The following PCDHGA7 variants were observed in gnomAD, a reference collection of about 807,000 sequenced individuals.
PCDHGA7 encodes protocadherin gamma-A7.
In PCDHGA7, 44 loss-of-function variants were observed where a neutral mutation model predicts 58.3. That is an observed-to-expected ratio of 0.75 (90% CI 0.59 to 0.97). The LOEUF is 0.97. Among genes scored for constraint, PCDHGA7 ranks in the 50% least tolerant of loss-of-function variants. The pLI, the probability that PCDHGA7 is intolerant of heterozygous loss-of-function variation, is 0.00. For synonymous variants in PCDHGA7, 516 were observed against 504.2 expected (o/e 1.02, Z -0.31); for missense variants, 1,266 against 1,188.7 (o/e 1.06, Z -0.96).
At chr5:141,387,576 G>A in intron 1 of PCDHGA7, 2 of 487,618 alleles carry the variant, frequency 4.1e-6, no homozygotes, top group Non-Finnish European at 7.2e-6. Flanking sequence ...TATAATTATT[G>A]CACTGGTTAA....
At chr5:141,471,215 A>G (rs1562030197) in intron 1 of PCDHGA7, 1 of 149,038 alleles carries the variant, frequency 6.7e-6, no homozygotes, top group Non-Finnish European at 1.5e-5. Context: ...ATGCCTGGCA[A>G]TTTTTTTGTA....
chr5:141,412,967 A>G, intron 1 of PCDHGA7: 1 of 520,650 alleles, frequency 1.9e-6, no homozygotes, highest in Non-Finnish European at 3.3e-6. Context: ...CTACTAGGAG[A>G]GAAAACGCAG....
At chr5:141,478,675 G>T in intron 1 of PCDHGA7, 1 of 1,551,574 alleles carries the variant, frequency 6.4e-7, no homozygotes, top group Non-Finnish European at 8.7e-7. Flanking sequence ...ACTTTCAACT[G>T]GCCCTTCCTA....
rs749781059 is a variant in PCDHGA7 at position 141,477,983 on chromosome 5, C to G, written c.2425-16824C>G. On this transcript the variant is annotated intron_variant, in intron 1 of 3. Coordinates refer to ENST00000518325, the MANE Select transcript of PCDHGA7 (RefSeq NM_018920.4). This position sits in a 1 kb window ranked among gnomAD's most constrained non-coding sequence, Gnocchi z 4.9. ...TAACCAGAGCCTTTTTGCCATAGGG[C>G]TGCACACTGGTCAAATCAGTACTGC... The G allele has an allele frequency of 1.7e-5, 27 of 1,614,126 alleles. No homozygotes were observed. The highest frequency in any genetic ancestry group is 2.3e-5 in the Non-Finnish European group (27 of 1,180,024).
At chr5:141,403,875 A>T in intron 1 of PCDHGA7, 1 of 1,613,816 alleles carries the variant, frequency 6.2e-7, no homozygotes, top group Non-Finnish European at 8.5e-7. Flanking sequence ...AAAAGTCTAG[A>T]TTATGAAGAA....
At chr5:141,388,800 G>T (rs1193679536) in intron 1 of PCDHGA7, 1 of 1,613,896 alleles carries the variant, frequency 6.2e-7, no homozygotes, top group Non-Finnish European at 8.5e-7. Context: ...AAATACATTA[G>T]ATTTTGAAGA....
At chr5:141,444,380 A>G (rs1475986922) in intron 1 of PCDHGA7, among the ~76,000 whole-genome samples, 1 of 151,876 alleles carries the variant, frequency 6.6e-6, no homozygotes, top group Non-Finnish European at 1.5e-5. Context: ...CATGTTGGTC[A>G]GGCTAGTCTT....
chr5:141,447,848 G>A (rs539844218), intron 1 of PCDHGA7, among the ~76,000 whole-genome samples: 46 of 152,302 alleles, frequency 3.0e-4, no homozygotes, highest in East Asian at 2.7e-3. Context: ...TGCTTTGGGA[G>A]GCCGAGGTGG....
At chr5:141,468,140 C>T (rs910524133) in intron 1 of PCDHGA7, among the ~76,000 whole-genome samples, 3 of 151,942 alleles carry the variant, frequency 2.0e-5, no homozygotes, top group African/African-American at 7.2e-5. Flanking sequence ...GCCTGGCCAA[C>T]ATGGTGAAAC....
chr5:141,384,585 C>G lies in PCDHGA7; in HGVS notation c.1686C>G (p.Ile562Met). 1.2e-6 allele frequency: 2 copies of G among 1,614,246 alleles called. No individual in the cohort carries two copies. Among genetic ancestry groups the G allele is most frequent in the South Asian group, 1.1e-5 (1 of 91,092 alleles). Residue 562 changes from isoleucine (I) to methionine (M), a missense_variant, in exon 1 of 4, where the codon ATC becomes ATG. Transcript: ENST00000518325. ...VLDQNDNPPE[I>M]LYPALPTDGS... is the part of the protein sequence containing the mutation. Reference sequence around the variant, plus strand: ...ACCAGAATGACAACCCGCCCGAGATCCTGTACCCGGCCCTCCCCACAGATG... The same window carrying G: ...ACCAGAATGACAACCCGCCCGAGATGCTGTACCCGGCCCTCCCCACAGATG...
Position 141,489,629 on chromosome 5 carries a change from C to T in PCDHGA7, c.2425-5178C>T. Reference sequence around the variant, plus strand: ...GAGATCCTGGATCTCAATGACAACTCTCCTAGCTTTGCCACCCCTGAGCGA... The same window carrying T: ...GAGATCCTGGATCTCAATGACAACTTTCCTAGCTTTGCCACCCCTGAGCGA... On this transcript the variant is annotated intron_variant, in intron 1 of 3. Transcript: ENST00000518325. This position sits in a 1 kb window ranked among gnomAD's most constrained non-coding sequence, Gnocchi z 4.5. 6.2e-7 allele frequency: 1 copy of T among 1,614,142 alleles called. No homozygotes were observed. The highest frequency in any genetic ancestry group is 1.7e-5 in the Admixed American group (1 of 60,032).
intron 1 of PCDHGA7, among the ~76,000 whole-genome samples, chr5:141,425,769 A>C (rs1355689852): frequency 6.6e-6 from 1 of 152,256 alleles, no homozygotes; most frequent in Non-Finnish European, 1.5e-5. Flanking sequence ...ACAGGAGAGA[A>C]GACTTTGCCT....
In PCDHGA7 at chr5:141,431,887, T is replaced by C; in HGVS notation, c.2424+46564T>C. The C allele has an allele frequency of 1.2e-6, 2 of 1,614,190 alleles. No individual in the cohort carries two copies. The highest frequency in any genetic ancestry group is 1.7e-6 in the Non-Finnish European group (2 of 1,179,996). ...TTTTAAATGTAAATGACCAAGATTCTGAGGAAAACGGACAGGTGATCTGTT... is the reference window on the plus strand; with the variant it reads ...TTTTAAATGTAAATGACCAAGATTCCGAGGAAAACGGACAGGTGATCTGTT... On this transcript the variant is annotated intron_variant, in intron 1 of 3. Coordinates refer to ENST00000518325, the MANE Select transcript of PCDHGA7 (RefSeq NM_018920.4). The surrounding 1 kb of genome is among the most constrained non-coding windows in gnomAD (Gnocchi z 4.8).
chr5:141,384,606 A>G lies in PCDHGA7; in HGVS notation c.1707A>G (p.Thr569=), dbSNP rs770325322. Residue 569 remains threonine (T), a synonymous_variant, in exon 1 of 4, where the codon ACA becomes ACG. Coordinates refer to ENST00000518325, the MANE Select transcript of PCDHGA7 (RefSeq NM_018920.4). ...AGATCCTGTACCCGGCCCTCCCCAC[A>G]GATGGTTCTACTGGCATGGAGCTGG... ...PPEILYPALP[T]DGSTGMELAP... The G allele has an allele frequency of 6.2e-7, 1 of 1,614,152 alleles. No homozygotes were observed. Among genetic ancestry groups the G allele is most frequent in the Admixed American group, 1.7e-5 (1 of 60,020 alleles).
Position 141,388,273 on chromosome 5 carries a change from C to T in PCDHGA7, c.2424+2950C>T. On this transcript the variant is annotated intron_variant, in intron 1 of 3. Coordinates refer to ENST00000518325, the MANE Select transcript of PCDHGA7 (RefSeq NM_018920.4). ...GAGATCGAGGACATTAATGACCACA[C>T]GCCAAAATTCACGCAAAATTCCTTT... The T allele has an allele frequency of 3.1e-6, 5 of 1,597,470 alleles. No homozygotes were observed. Among genetic ancestry groups the T allele is most frequent in the Non-Finnish European group, 4.3e-6 (5 of 1,172,964 alleles).
At chr5:141,398,529 G>A (rs375949491) in intron 1 of PCDHGA7, 2 of 1,613,544 alleles carry the variant, frequency 1.2e-6, no homozygotes, top group South Asian at 1.1e-5. Flanking sequence ...CAAAATTCAC[G>A]CAAAATTCCT....
chr5:141,469,830 A>G (rs184478661), intron 1 of PCDHGA7, among the ~76,000 whole-genome samples: 1 of 152,124 alleles, frequency 6.6e-6, no homozygotes, highest in African/African-American at 2.4e-5. Flanking sequence ...GGTCACATAA[A>G]ACTTATTCTT....
Position 141,423,156 on chromosome 5 carries a change from CGTG to C in PCDHGA7, c.2424+37838_2424+37840del, listed in dbSNP as rs776903094. On this transcript the variant is annotated intron_variant, in intron 1 of 3. Coordinates refer to ENST00000518325, the MANE Select transcript of PCDHGA7 (RefSeq NM_018920.4). ...ACAGAGACGCGCTCAAGCAGAGCCT[CGTG>C]GTGGCCGTCCAGGACCACGGCCAGC... 8.2e-4 allele frequency: 1,328 copies of C among 1,613,396 alleles called. 15 individuals are homozygous for C. Among genetic ancestry groups the C allele is most frequent in the Admixed American group, 9.5e-4 (57 of 60,016 alleles).
intron 1 of PCDHGA7, among the ~76,000 whole-genome samples, chr5:141,468,046 C>T (rs540273405): frequency 1.3e-4 from 20 of 152,174 alleles, no homozygotes; most frequent in Non-Finnish European, 2.8e-4. Flanking sequence ...AAAACTAAGC[C>T]GGGCACAGTG....
Sources: allele counts gnomAD v4.1 joint callset (sites outside exome capture counted in the v4.1 genomes callset), GRCh38; gene constraint gnomAD v4.1.1; non-coding constraint Gnocchi (gnomAD v3.1); transcripts MANE v1.5; gene names NCBI Gene and HGNC (gene_info 2026-07-23, HGNC 2026-07-21).